Variants in GSTA3 observed in about 807,000 individuals in gnomAD.
The protein encoded by GSTA3 is glutathione S-transferase A3.
In GSTA3, 16 loss-of-function variants were observed where a neutral mutation model predicts 23.1. That is an observed-to-expected ratio of 0.69 (90% CI 0.47 to 1.05). The LOEUF is 1.05. GSTA3 is among the 50% of genes least tolerant of loss of function. The probability of loss-of-function intolerance (pLI) is 0.00; values close to 1 mark genes in which losing one functional copy is unlikely to be tolerated. For missense variants in GSTA3, 319 were observed against 263.6 expected, an observed-to-expected ratio of 1.21 and a Z score of -1.46; for synonymous variants, 122 against 91.0, an observed-to-expected ratio of 1.34 and a Z score of -1.94.
chr6:52,907,594 C>T (rs868238252), intron 1 of GSTA3, among the ~76,000 whole-genome samples: 94 of 151,298 alleles, frequency 6.2e-4, no homozygotes, highest in African/African-American at 2.3e-3. Flanking sequence ...CAATGACAGA[C>T]TGGATTAAGA....
At chr6:52,902,550 G>A in intron 3 of GSTA3, 72 bp from the exon 4 acceptor site, 1 of 1,427,310 alleles carries the variant, frequency 7.0e-7, no homozygotes, top group Non-Finnish European at 9.6e-7. Flanking sequence ...AAAAATGATG[G>A]TTGAAATGAC....
In GSTA3 at chr6:52,900,055, C is replaced by A. The variant is rs774646417; in HGVS notation, c.293G>T (p.Gly98Val). Reference protein sequence around the residue: ...ERALIDMYTEGMADLNEMILL... With the variant: ...ERALIDMYTEVMADLNEMILL... The stretch of plus-strand genomic sequence containing the variant: ...GATCATTTCATTCAAATCTGCCATA[C>A]CTTCTGTATACATATCAATTCTGAA... The change falls in exon 5 of 7, where the codon GGT (glycine) becomes GTT (valine). Residue 98 changes from glycine (G) to valine (V), a missense_variant. By Grantham distance (109) the Gly-to-Val change is moderately radical. Transcript: ENST00000211122. The A allele has an allele frequency of 3.7e-6, 6 of 1,613,060 alleles. No individual in the cohort carries two copies. Among genetic ancestry groups the A allele is most frequent in the Non-Finnish European group, 5.1e-6 (6 of 1,179,374 alleles).
chr6:52,903,701 T>G lies in GSTA3; in HGVS notation c.114A>C (p.Ala38=). ...CATTTCTTAACTTTCCCAAATCTTC[T>G]GCAGATCCTATAAATTTCTCTTCAA... ...VEFEEKFIGS[A]EDLGKLRNDG... The change falls in exon 3 of 7, where the codon GCA becomes GCC. Residue 38 remains alanine, a synonymous_variant. Transcript: ENST00000211122. The G allele has an allele frequency of 6.3e-7, 1 of 1,593,908 alleles. No individual in the cohort carries two copies. Among genetic ancestry groups the G allele is most frequent in the South Asian group, 1.1e-5 (1 of 90,540 alleles).
intron 2 of GSTA3, 97 bp from the exon 3 acceptor site, chr6:52,903,824 G>A (rs1765788333): frequency 4.1e-6 from 3 of 727,082 alleles, no homozygotes; most frequent in East Asian, 5.3e-5. Context: ...ATAATTTGGA[G>A]AACATAAGAT....
chr6:52,901,281 C>T, intron 4 of GSTA3, among the ~76,000 whole-genome samples: 1 of 152,114 alleles, frequency 6.6e-6, no homozygotes. Flanking sequence ...TTCATTTTCC[C>T]CAAACCCCAA....
At position 52,896,898 on chromosome 6, in the gene GSTA3, T is replaced by C. The variant is rs1581853902; in HGVS notation, c.577A>G (p.Thr193Ala). 4.3e-6 allele frequency: 7 copies of C among 1,614,060 alleles called. No individual in the cohort carries two copies. The highest frequency in any genetic ancestry group is 2.7e-5 in the African/African-American group (2 of 75,040). The change falls in exon 7 of 7, where the codon ACG becomes GCG. Residue 193 changes from threonine to alanine, a missense_variant. Physicochemically the swap from Thr to Ala is moderately conservative, Grantham distance 58 (BLOSUM62 0). Transcript: ENST00000211122. The stretch of plus-strand genomic sequence containing the variant: ...CCAGGCTGTAGAAACTTCTTCACCG[T>C]GGGCAGGTTGCTGATTCTGGTTTTC... ...ALKTRISNLP[T>A]VKKFLQPGSP...
intron 1 of GSTA3, among the ~76,000 whole-genome samples, chr6:52,907,009 C>T (rs1452590822): frequency 1.3e-5 from 2 of 148,232 alleles, no homozygotes; most frequent in Non-Finnish European, 3.0e-5. Context: ...AAGAAACTAC[C>T]ATCAGAGTGA....
At chr6:52,908,596 G>T (rs184255427) in intron 1 of GSTA3, among the ~76,000 whole-genome samples, 1 of 152,272 alleles carries the variant, frequency 6.6e-6, no homozygotes, top group Admixed American at 6.5e-5. Context: ...CCACCAATCT[G>T]CTGTTTAAAA....
At position 52,897,932 on chromosome 6, in the gene GSTA3, A is replaced by C. The variant is rs144126679; in HGVS notation, c.439T>G (p.Tyr147Asp). The change falls in exon 6 of 7, where the codon TAC becomes GAC. Residue 147 changes from tyrosine (Y) to aspartate (D), a missense_variant. Transcript: ENST00000211122. ...EKVLQSHGQD[Y>D]LVGNKLSRAD... ...CGGCTCAGCTTGTTGCCAACAAGGT[A>C]GTCTTGTCCATGGCTCTGTAACACC... The C allele has an allele frequency of 1.2e-4, 200 of 1,613,982 alleles. 1 individual carries two copies. The Middle Eastern group carries it at 1.3e-3, about 11-fold the overall frequency.
In GSTA3 at chr6:52,903,453, C is replaced by T. The variant is rs184552325; in HGVS notation, c.139+223G>A. ...ATACAAAAAAAAAAAAAAAACTAGC[C>T]TGGTGTGGTGTCTGGCGCCTGTAGT... On this transcript the variant is annotated intron_variant, in intron 3 of 6. Coordinates refer to ENST00000211122, the MANE Select transcript of GSTA3 (RefSeq NM_000847.5). Among the ~76,000 whole-genome samples the T allele has an allele frequency of 1.8e-3, 273 of 151,606 alleles. 1 individual carries two copies. The highest frequency in any genetic ancestry group is 6.3e-3 in the African/African-American group (260 of 41,354).
chr6:52,896,883 G>A lies in GSTA3; in HGVS notation c.592C>T (p.Leu198=), dbSNP rs1213659842. The change falls in exon 7 of 7, where the codon CTA becomes TTA. Residue 198 remains leucine, a synonymous_variant. Transcript: ENST00000211122. ...ISNLPTVKKF[L]QPGSPRKPPA... is the part of the protein sequence containing the mutation. ...GGCTTCCTTGGGCTGCCAGGCTGTA[G>A]AAACTTCTTCACCGTGGGCAGGTTG... 2 of 1,614,094 alleles carry A rather than the reference G, an allele frequency of 1.2e-6. No homozygotes were observed. Among genetic ancestry groups the A allele is most frequent in the Admixed American group, 3.3e-5 (2 of 60,020 alleles).
chr6:52,906,924 C>T (rs1765908591), intron 1 of GSTA3, among the ~76,000 whole-genome samples: 1 of 150,598 alleles, frequency 6.6e-6, no homozygotes, highest in East Asian at 2.0e-4. Flanking sequence ...ATGTCTAAAA[C>T]ACCAAAAGCA....
intron 2 of GSTA3, 141 bp downstream of exon 2, chr6:52,905,607 A>G: frequency 2.0e-6 from 1 of 512,594 alleles, no homozygotes; most frequent in Non-Finnish European, 3.5e-6. Flanking sequence ...AAATTTGTCC[A>G]TTTTAAAAAA....
intron 5 of GSTA3, among the ~76,000 whole-genome samples, chr6:52,898,273 G>A (rs1284160251): frequency 6.6e-6 from 1 of 152,054 alleles, no homozygotes; most frequent in Non-Finnish European, 1.5e-5. Flanking sequence ...TCTGCCCCAG[G>A]CCCTACAGCG....
In GSTA3 at chr6:52,896,703, T is replaced by C; in HGVS notation, c.*103A>G. On this transcript the variant is annotated 3_prime_UTR_variant, in exon 7 of 7. Transcript: ENST00000211122. ...TTAGCATATAATTGGAAAGGGTTCA[T>C]TAGCTTTACAACAGGCACAATCAAC... 1 of 1,342,868 alleles carries C rather than the reference T, an allele frequency of 7.4e-7. No homozygotes were observed. The highest frequency in any genetic ancestry group is 1.3e-5 in the South Asian group (1 of 76,102). 83.2% of individuals were successfully genotyped at this position (1,342,868 alleles called of 1,614,324 possible).
intron 4 of GSTA3, among the ~76,000 whole-genome samples, chr6:52,901,250 G>C (rs45475500): frequency 5.6e-4 from 85 of 152,212 alleles, no homozygotes; most frequent in African/African-American, 2.0e-3. Flanking sequence ...CCCTGATAAG[G>C]ACATCTGTAC....
chr6:52,898,019 C>T, intron 5 of GSTA3, 63 bp from the exon 6 acceptor site: 3 of 1,589,078 alleles, frequency 1.9e-6, no homozygotes, highest in Admixed American at 3.3e-5. Flanking sequence ...CCCTGCTTCT[C>T]CCTGAGTCTT....
intron 3 of GSTA3, 147 bp downstream of exon 3, chr6:52,903,529 G>A (rs1215855376): frequency 3.4e-5 from 14 of 414,592 alleles, no homozygotes; most frequent in East Asian, 2.8e-4. Flanking sequence ...CCTGGGAGGC[G>A]GAGCTTGCAG....
intron 1 of GSTA3, among the ~76,000 whole-genome samples, chr6:52,906,328 T>A (rs767925773): frequency 8.5e-5 from 13 of 152,326 alleles, no homozygotes; most frequent in South Asian, 4.2e-4. Context: ...AGTGTCAAAG[T>A]CTGGATTAGA....
Sources: gnomAD v4.1 joint callset for allele counts (sites outside exome capture counted in the v4.1 genomes callset) on GRCh38, gnomAD v4.1.1 for gene constraint, MANE v1.5 for transcripts, NCBI Gene and HGNC (gene_info 2026-07-23, HGNC 2026-07-21) for gene names.